LRRC49: variants seen among roughly 807,000 people sequenced by gnomAD.
LRRC49 encodes leucine-rich repeat-containing protein 49.
Under a neutral mutation model 83.3 loss-of-function variants are expected in LRRC49, and 50 were observed. The observed-to-expected ratio is 0.60, with a 90% CI of 0.48 to 0.76. The LOEUF (loss-of-function observed/expected upper bound fraction) is 0.76. Among genes scored for constraint, LRRC49 ranks in the 30% least tolerant of loss-of-function variants. The pLI, the probability that LRRC49 is intolerant of heterozygous loss-of-function variation, is 0.00. For missense variants in LRRC49, 704 were observed against 809.1 expected, an observed-to-expected ratio of 0.87 and a Z score of 1.58; for synonymous variants, 286 against 283.3, an observed-to-expected ratio of 1.01 and a Z score of -0.10.
intron 7 of LRRC49, among the ~76,000 whole-genome samples, chr15:70,933,129 T>C (rs144110295): frequency 1.1e-3 from 167 of 152,318 alleles, no homozygotes; most frequent in Non-Finnish European, 2.0e-3. Flanking sequence ...TTTTGGAAAA[T>C]AAAGAATTAT....
At chr15:70,897,495 G>C (rs931250038) in intron 3 of LRRC49, among the ~76,000 whole-genome samples, 1 of 152,104 alleles carries the variant, frequency 6.6e-6, no homozygotes, top group African/African-American at 2.4e-5. Flanking sequence ...TGCAAAGAAG[G>C]CCACACAACT....
intron 8 of LRRC49, among the ~76,000 whole-genome samples, chr15:70,952,920 T>C (rs1596060931): frequency 1.3e-5 from 2 of 152,330 alleles, no homozygotes; most frequent in Admixed American, 6.5e-5. Flanking sequence ...TCATTGTTGG[T>C]TTAAAGCCTG....
rs748769656 is a variant in LRRC49, at chr15:71,037,295, A to T, written c.1820A>T (p.Asn607Ile). The T allele has an allele frequency of 1.1e-5, 18 of 1,607,934 alleles. No individual in the cohort carries two copies. Among genetic ancestry groups the T allele is most frequent in the Admixed American group, 1.7e-5 (1 of 58,960 alleles). Residue 607 changes from asparagine to isoleucine, a missense_variant, in exon 15 of 16, where the codon AAT becomes ATT. Coordinates refer to ENST00000260382, the MANE Select transcript of LRRC49 (RefSeq NM_017691.5). Reference protein sequence around the residue: ...VGENTNRATLNYTTRDFYNEK... With the variant: ...VGENTNRATLIYTTRDFYNEK... ...GAAAACACAAATCGTGCTACATTAA[A>T]TTATACTACAAGAGACTTTTATAAT...
At chr15:70,882,781 C>G in intron 2 of LRRC49, 2 of 1,614,152 alleles carry the variant, frequency 1.2e-6, no homozygotes, top group South Asian at 2.2e-5. Context: ...GTGACGGGGC[C>G]TTTTCAAAGA....
intron 2 of LRRC49, chr15:70,882,278 G>A: frequency 1.8e-6 from 1 of 563,094 alleles, no homozygotes; most frequent in South Asian, 2.7e-5. Context: ...TTGTGGGTAG[G>A]TATTATCTTC....
intron 14 of LRRC49, among the ~76,000 whole-genome samples, chr15:71,027,028 C>G (rs539841265): frequency 4.7e-4 from 71 of 152,210 alleles, no homozygotes; most frequent in African/African-American, 1.7e-3. Flanking sequence ...ATGACTATGT[C>G]CTGAATGGTA....
upstream of LRRC49, among the ~76,000 whole-genome samples, chr15:70,890,963 T>C (rs865919396): frequency 6.6e-6 from 1 of 152,156 alleles, no homozygotes; most frequent in African/African-American, 2.4e-5. Context: ...TCTTAATAAT[T>C]GCAAGATGCC....
At chr15:70,914,169 A>G (rs901320526) in intron 6 of LRRC49, among the ~76,000 whole-genome samples, 36 of 152,218 alleles carry the variant, frequency 2.4e-4, no homozygotes, top group African/African-American at 8.7e-4. Context: ...CCAAATAGCA[A>G]AAATTCACAG....
intron 2 of LRRC49, among the ~76,000 whole-genome samples, chr15:70,877,864 T>A (rs2033183952): frequency 6.6e-6 from 1 of 152,214 alleles, no homozygotes; most frequent in Non-Finnish European, 1.5e-5. Flanking sequence ...GCGCGGTGGC[T>A]CACGCCTGTA....
chr15:70,891,734 T>C, upstream of LRRC49: 1 of 1,023,954 alleles, frequency 9.8e-7, no homozygotes, highest in Non-Finnish European at 1.4e-6. Context: ...CTTTGCAGAT[T>C]AGAAAACAGG....
chr15:70,978,241 A>G (rs921761821), intron 9 of LRRC49, among the ~76,000 whole-genome samples: 7 of 152,158 alleles, frequency 4.6e-5, no homozygotes, highest in African/African-American at 1.7e-4. Context: ...TCAGGCTTCT[A>G]ATACCTGTCT....
At chr15:70,916,408 C>T (rs2034775469) in intron 6 of LRRC49, among the ~76,000 whole-genome samples, 1 of 152,148 alleles carries the variant, frequency 6.6e-6, no homozygotes. Context: ...GATTCTCTTG[C>T]CTTAGCCTCC....
At chr15:70,892,972 T>C in intron 1 of LRRC49, 30 bp downstream of exon 1, 1 of 1,611,866 alleles carries the variant, frequency 6.2e-7, no homozygotes, top group African/African-American at 1.3e-5. Flanking sequence ...TTCTCTTTCT[T>C]CCCACTGGTA....
At chr15:70,853,489 A>C in intron 1 of LRRC49, 1 of 159,178 alleles carries the variant, frequency 6.3e-6, no homozygotes, top group Non-Finnish European at 1.4e-5. Flanking sequence ...ACCACTCGCA[A>C]GGGGAGGGGA....
chr15:70,880,993 G>C (rs1053109281), intron 2 of LRRC49, among the ~76,000 whole-genome samples: 2 of 152,208 alleles, frequency 1.3e-5, no homozygotes, highest in African/African-American at 4.8e-5. Context: ...GGAGACCGAG[G>C]TGGCAGGATT....
chr15:70,910,372 A>G (rs949852587), intron 5 of LRRC49, among the ~76,000 whole-genome samples: 1 of 152,130 alleles, frequency 6.6e-6, no homozygotes, highest in African/African-American at 2.4e-5. Context: ...CATACACACT[A>G]CATATATATA....
intron 11 of LRRC49, among the ~76,000 whole-genome samples, chr15:70,992,635 C>G (rs1347550876): frequency 1.3e-5 from 2 of 152,206 alleles, no homozygotes; most frequent in Non-Finnish European, 2.9e-5. Context: ...TATTGCTGAA[C>G]AGCAAATGTC....
At chr15:70,944,819 T>G (rs1014738916) in intron 8 of LRRC49, among the ~76,000 whole-genome samples, 2 of 152,194 alleles carry the variant, frequency 1.3e-5, no homozygotes, top group Non-Finnish European at 2.9e-5. Context: ...ATATTCACAT[T>G]GTTTCTTGAC....
At chr15:70,929,506 C>A (rs1313760188) in intron 7 of LRRC49, among the ~76,000 whole-genome samples, 2 of 152,160 alleles carry the variant, frequency 1.3e-5, no homozygotes, top group Admixed American at 6.5e-5. Flanking sequence ...ATGTTAATGG[C>A]TGCTGACAGA....
Sources: gnomAD v4.1 joint callset for allele counts (sites outside exome capture counted in the v4.1 genomes callset) on GRCh38, gnomAD v4.1.1 for gene constraint, MANE v1.5 for transcripts, NCBI Gene and HGNC (gene_info 2026-07-23, HGNC 2026-07-21) for gene names.